Variants in DPF3 observed in about 807,000 individuals in gnomAD.
DPF3 encodes double PHD fingers 3, also known as zinc finger protein DPF3.
Under a neutral mutation model 56.8 loss-of-function variants are expected in DPF3, and 18 were observed. That is an observed-to-expected ratio of 0.32 (90% CI 0.22 to 0.47). The LOEUF (loss-of-function observed/expected upper bound fraction) is 0.47. DPF3 is among the 20% of genes least tolerant of loss of function. DPF3 has a pLI of 1.00. For synonymous variants in DPF3, 188 were observed against 180.2 expected (o/e 1.04, Z -0.35); for missense variants, 403 against 488.8 (o/e 0.82, Z 1.65).
intron 1 of DPF3, among the ~76,000 whole-genome samples, chr14:72,826,291 A>G (rs1472461663): frequency 1.3e-5 from 2 of 152,158 alleles, no homozygotes; most frequent in African/African-American, 4.8e-5. Context: ...ATGGTTTTTA[A>G]TGGCCCGTAA....
intron 1 of DPF3, among the ~76,000 whole-genome samples, chr14:72,791,608 G>A (rs1363609307): frequency 6.6e-6 from 1 of 152,182 alleles, no homozygotes; most frequent in African/African-American, 2.4e-5. Flanking sequence ...ATGATGTCCT[G>A]GTGCCTCAAA....
intron 8 of DPF3, 107 bp downstream of exon 8, chr14:72,674,133 C>A: frequency 2.1e-6 from 3 of 1,409,586 alleles, no homozygotes; most frequent in Non-Finnish European, 1.9e-6. Context: ...GAAAGCATTG[C>A]CACCATCGCT....
intron 1 of DPF3, among the ~76,000 whole-genome samples, chr14:72,846,588 G>A (rs186012246): frequency 8.8e-4 from 133 of 151,520 alleles, no homozygotes; most frequent in African/African-American, 2.8e-3. Flanking sequence ...TGCCCACCTC[G>A]GCCTCCCAAA....
chr14:72,851,231 A>G (rs1834249403), intron 1 of DPF3, among the ~76,000 whole-genome samples: 1 of 152,196 alleles, frequency 6.6e-6, no homozygotes, highest in African/African-American at 2.4e-5. Context: ...TCATCAGCCT[A>G]TCCCAGGACT....
intron 8 of DPF3, among the ~76,000 whole-genome samples, chr14:72,630,467 G>C (rs1253651812): frequency 6.6e-6 from 1 of 152,150 alleles, no homozygotes; most frequent in Non-Finnish European, 1.5e-5. Context: ...CCAATCACAA[G>C]ATGAGAGAAG....
chr14:72,678,694 G>A (rs763856435), intron 7 of DPF3, among the ~76,000 whole-genome samples: 8 of 152,214 alleles, frequency 5.3e-5, no homozygotes, highest in Non-Finnish European at 1.0e-4. Context: ...ATTGAGTCCC[G>A]CTTTATAGAA....
intron 8 of DPF3, among the ~76,000 whole-genome samples, chr14:72,656,720 C>G (rs929696421): frequency 2.0e-5 from 3 of 152,190 alleles, no homozygotes; most frequent in Non-Finnish European, 4.4e-5. Flanking sequence ...AGATATTTAA[C>G]CTGCTTATCC....
intron 8 of DPF3, among the ~76,000 whole-genome samples, chr14:72,630,992 C>A (rs1885138261): frequency 6.6e-6 from 1 of 152,206 alleles, no homozygotes; most frequent in Non-Finnish European, 1.5e-5. Flanking sequence ...TTAACAGGAG[C>A]CCCCATTTCC....
chr14:72,746,957 G>A (rs867488289), intron 3 of DPF3, among the ~76,000 whole-genome samples: 1 of 152,232 alleles, frequency 6.6e-6, no homozygotes, highest in Non-Finnish European at 1.5e-5. Flanking sequence ...GAACTCAGCT[G>A]CTCCACGTTC....
chr14:72,733,812 A>C (rs1889774555), intron 3 of DPF3, among the ~76,000 whole-genome samples: 1 of 152,198 alleles, frequency 6.6e-6, no homozygotes, highest in Non-Finnish European at 1.5e-5. Flanking sequence ...TCCACCAGAA[A>C]CAGAGGGAGT....
chr14:72,645,694 T>G, intron 8 of DPF3, among the ~76,000 whole-genome samples: 1 of 152,150 alleles, frequency 6.6e-6, no homozygotes, highest in East Asian at 1.9e-4. Context: ...TGGCCACAGC[T>G]GCCTTTTTAA....
chr14:72,758,981 A>G (rs1890957108), intron 2 of DPF3, among the ~76,000 whole-genome samples: 1 of 152,236 alleles, frequency 6.6e-6, no homozygotes, highest in Non-Finnish European at 1.5e-5. Flanking sequence ...TATAATAAGG[A>G]GAAAAATCAA....
At chr14:72,689,315 G>A (rs1048354117) in intron 7 of DPF3, among the ~76,000 whole-genome samples, 2 of 152,152 alleles carry the variant, frequency 1.3e-5, no homozygotes, top group Non-Finnish European at 2.9e-5. Flanking sequence ...TGTCTGTAAG[G>A]CTGTTTTTCC....
chr14:72,845,622 C>T (rs1197844947), intron 1 of DPF3, among the ~76,000 whole-genome samples: 1 of 152,162 alleles, frequency 6.6e-6, no homozygotes, highest in Non-Finnish European at 1.5e-5. Context: ...ATGCCACTTT[C>T]CAGAGTAGTG....
chr14:72,623,364 CAA>C, intron 9 of DPF3, among the ~76,000 whole-genome samples: 1 of 152,072 alleles, frequency 6.6e-6, no homozygotes. Context: ...GTTATGTATC[CAA>C]TTGGTAGCAT....
intron 8 of DPF3, among the ~76,000 whole-genome samples, chr14:72,656,234 C>T (rs908169129): frequency 3.9e-5 from 6 of 152,110 alleles, no homozygotes; most frequent in Admixed American, 1.3e-4. Context: ...AGTCTTTTTC[C>T]GCTAATTCAA....
chr14:72,735,334 A>G (rs549449823), intron 3 of DPF3, among the ~76,000 whole-genome samples: 2 of 152,284 alleles, frequency 1.3e-5, no homozygotes, highest in South Asian at 4.1e-4. Flanking sequence ...TACCCACTAT[A>G]GAATGTTCCA....
At chr14:72,680,127 T>C (rs544138261) in intron 7 of DPF3, among the ~76,000 whole-genome samples, 1 of 152,286 alleles carries the variant, frequency 6.6e-6, no homozygotes, top group African/African-American at 2.4e-5. Flanking sequence ...TGATAGAGAC[T>C]GTGGGGAAGG....
At chr14:72,774,557 T>C (rs534673484) in intron 1 of DPF3, among the ~76,000 whole-genome samples, 2 of 152,240 alleles carry the variant, frequency 1.3e-5, no homozygotes, top group South Asian at 4.2e-4. Context: ...GCAAATATCT[T>C]ACTGTGGGAA....
Sources: gnomAD v4.1 joint callset for allele counts (sites outside exome capture counted in the v4.1 genomes callset) on GRCh38, gnomAD v4.1.1 for gene constraint, MANE v1.5 for transcripts, NCBI Gene and HGNC (gene_info 2026-07-23, HGNC 2026-07-21) for gene names.